Variants in DNMBP observed in about 807,000 individuals in gnomAD.
DNMBP encodes dynamin-binding protein.
A neutral mutation model predicts 150.0 loss-of-function variants in DNMBP; 87 were observed. The observed-to-expected ratio is 0.58, with a 90% CI of 0.49 to 0.69. The LOEUF (loss-of-function observed/expected upper bound fraction) is 0.69. Ranked by LOEUF, DNMBP falls within the 30% of genes least tolerant of loss-of-function variation. DNMBP has a pLI of 0.00. For synonymous variants in DNMBP, 711 were observed against 750.4 expected (o/e 0.95, Z 0.86); for missense variants, 1,774 against 1,949.0 (o/e 0.91, Z 1.69).
At chr10:99,886,753 A>G (rs971963777) in intron 12 of DNMBP, 121 bp from the exon 13 acceptor site, 12 of 819,258 alleles carry the variant, frequency 1.5e-5, no homozygotes, top group African/African-American at 3.4e-5. Context: ...TCTAGTACAC[A>G]AGCTAAACCC....
rs146017696 is a variant in DNMBP, at chr10:99,987,269, G to A, written c.-10-15135C>T. On this transcript the variant is annotated intron_variant, in intron 1 of 16. Coordinates refer to ENST00000324109, the MANE Select transcript of DNMBP (RefSeq NM_015221.4). ...TGTAATCCGAGCATTCTGGGAGGCC[G>A]AGGCTAGGATCACTTGAGGCTAGGA... is the stretch of plus-strand genomic sequence containing the variant. 5.2e-3 allele frequency among the ~76,000 whole-genome samples: 796 copies of A among 152,188 alleles called. 4 individuals are homozygous for A. The highest frequency in any genetic ancestry group is 8.7e-3 in the Non-Finnish European group (590 of 67,996).
At chr10:99,916,224 A>G (rs1364470885) in intron 4 of DNMBP, among the ~76,000 whole-genome samples, 1 of 152,250 alleles carries the variant, frequency 6.6e-6, no homozygotes, top group Non-Finnish European at 1.5e-5. Flanking sequence ...GCACTTTTGG[A>G]AGCCAAGGCA....
At chr10:100,002,384 A>G (rs1217895447) in intron 1 of DNMBP, among the ~76,000 whole-genome samples, 1 of 152,238 alleles carries the variant, frequency 6.6e-6, no homozygotes, top group Non-Finnish European at 1.5e-5. Flanking sequence ...ACACCCTAGC[A>G]GTTAGTGCTG....
At chr10:99,953,555 C>G (rs765689873) in intron 4 of DNMBP, among the ~76,000 whole-genome samples, 1 of 152,010 alleles carries the variant, frequency 6.6e-6, no homozygotes, top group African/African-American at 2.4e-5. Context: ...CTCCCTTGGC[C>G]AGGCATGGTA....
chr10:100,007,732 A>G (rs1040845456), intron 1 of DNMBP, among the ~76,000 whole-genome samples: 3 of 152,264 alleles, frequency 2.0e-5, no homozygotes, highest in Admixed American at 2.0e-4. Context: ...TCTTGGTTTA[A>G]CGGCTCTTTC....
At chr10:99,898,451 AC>A in intron 8 of DNMBP, 166 bp from the exon 9 acceptor site, 1 of 707,734 alleles carries the variant, frequency 1.4e-6, no homozygotes, top group Non-Finnish European at 2.5e-6. Context: ...CTTTTACCCT[AC>A]TTTCCAATTT....
chr10:99,935,197 G>A (rs566886913), intron 4 of DNMBP, among the ~76,000 whole-genome samples: 2 of 151,496 alleles, frequency 1.3e-5, no homozygotes, highest in Non-Finnish European at 2.9e-5. Flanking sequence ...TTGGAAAGCA[G>A]AATGTAATGA....
rs1460614852 is a variant in DNMBP at position 99,891,171 on chromosome 10, TCCCTCC to T, written c.3157-2224_3157-2219del. Among the ~76,000 whole-genome samples, 3 of 138,548 alleles carry T rather than the reference TCCCTCC, an allele frequency of 2.2e-5. 1 individual carries two copies. The South Asian group carries it at 7.7e-4, about 36-fold the overall frequency. The allele number at this position is 138,548 out of a possible 152,430, so 90.9% of individuals were successfully genotyped here. A position where few individuals can be genotyped will look rare whatever the true frequency, so the allele number is the denominator to read the frequency against. ...AGAACTCCCTCTCCCTCTCCCCCTC[TCCCTCC>T]CCCTCTCCCTCTCCCCACCGTCTCC... is the stretch of plus-strand genomic sequence containing the variant. On this transcript the variant is annotated intron_variant, in intron 11 of 16. Transcript: ENST00000324109.
intron 4 of DNMBP, among the ~76,000 whole-genome samples, chr10:99,924,234 G>A (rs1258036740): frequency 4.9e-5 from 7 of 142,122 alleles, no homozygotes; most frequent in East Asian, 4.0e-4. Context: ...TCAGGAGATC[G>A]AGACCATCCT....
intron 10 of DNMBP, 37 bp from the exon 11 acceptor site, chr10:99,895,087 G>C (rs2252699): frequency 2.4e-6 from 3 of 1,266,512 alleles, no homozygotes; most frequent in South Asian, 1.2e-5. Flanking sequence ...AGCAAATCTG[G>C]ACACTCCTTT....
intron 15 of DNMBP, among the ~76,000 whole-genome samples, chr10:99,881,944 T>A (rs1298629259): frequency 6.6e-6 from 1 of 152,226 alleles, no homozygotes; most frequent in African/African-American, 2.4e-5. Context: ...GGAATTCAGA[T>A]TCTTTTTAAT....
intron 4 of DNMBP, among the ~76,000 whole-genome samples, chr10:99,918,574 C>CTTTTTTTT (rs71009786): frequency 0.35 from 47,222 of 136,840 alleles, 8,871 homozygotes; most frequent in Non-Finnish European, 0.41. Context: ...TCTGCAACTT[C>CTTTTTTTT]TTTTTTTTTT....
At chr10:99,934,047 T>C (rs2040195441) in intron 4 of DNMBP, among the ~76,000 whole-genome samples, 2 of 152,122 alleles carry the variant, frequency 1.3e-5, no homozygotes, top group South Asian at 2.1e-4. Flanking sequence ...TGTGATTTTT[T>C]AGGACCCCAA....
chr10:99,940,396 C>T (rs2040281584), intron 4 of DNMBP, among the ~76,000 whole-genome samples: 1 of 152,056 alleles, frequency 6.6e-6, no homozygotes, highest in Non-Finnish European at 1.5e-5. Flanking sequence ...GCCTGTGAAC[C>T]CAAACACTCT....
rs111376341 is a variant in DNMBP at position 99,895,062 on chromosome 10, TAAAC to T, written c.3052-16_3052-13del. On this transcript the variant is annotated splice_polypyrimidine_tract_variant and intron_variant, in intron 10 of 16. Coordinates refer to ENST00000324109, the MANE Select transcript of DNMBP (RefSeq NM_015221.4). ...ACTTCATCTTTTATCTGTTCAAAAA[TAAAC>T]AAGTGCTGTTAGCAAATCTGGACAC... 1.2e-5 allele frequency: 18 copies of T among 1,535,328 alleles called. No homozygotes were observed. The African/African-American group carries it at 1.5e-4, about 13-fold the overall frequency.
Position 99,956,645 on chromosome 10 carries a change from C to A in DNMBP, c.829G>T (p.Glu277Ter). The A allele has an allele frequency of 1.2e-6, 2 of 1,613,958 alleles. No homozygotes were observed. Among genetic ancestry groups the A allele is most frequent in the Non-Finnish European group, 1.7e-6 (2 of 1,179,876 alleles). The change falls in exon 4 of 17, where the codon GAA becomes TAA. Residue 277 changes from glutamate to a stop codon, truncating the protein, a stop_gained. Transcript: ENST00000324109. LOFTEE classifies it high-confidence loss of function. ...AGGGATCCTTCCAGCCAGCCATCTT[C>A]CAAGGTCGCCAGAATTCGGATTTTA... ...GDKIRILATL[E>*]DGWLEGSLKG...
intron 1 of DNMBP, among the ~76,000 whole-genome samples, chr10:99,985,631 T>TA (rs943651584): frequency 8.5e-5 from 13 of 152,186 alleles, no homozygotes; most frequent in African/African-American, 2.9e-4. Context: ...AGAATCCATT[T>TA]AAAAAATCTC....
chr10:99,956,478 T>C lies in DNMBP; in HGVS notation c.996A>G (p.Leu332=), dbSNP rs2040497677. 6.2e-7 allele frequency: 1 copy of C among 1,613,992 alleles called. No individual in the cohort carries two copies. Among genetic ancestry groups the C allele is most frequent in the Admixed American group, 1.7e-5 (1 of 59,996 alleles). Residue 332 remains leucine (L), a synonymous_variant, in exon 4 of 17, where the codon TTA becomes TTG. Coordinates refer to ENST00000324109, the MANE Select transcript of DNMBP (RefSeq NM_015221.4). ...ETSLDCLENT[L]GVEEQRHETS... is the part of the protein sequence containing the mutation. ...TTTCATGTCTTTGTTCCTCTACTCC[T>C]AAGGTGTTCTCCAAACAATCCAAAG...
intron 1 of DNMBP, among the ~76,000 whole-genome samples, chr10:99,979,171 A>C (rs2040759317): frequency 1.3e-5 from 2 of 152,208 alleles, no homozygotes; most frequent in African/African-American, 4.8e-5. Context: ...TAAGCTAATC[A>C]TTTGATGACC....
Sources: gnomAD v4.1 joint callset for allele counts (sites outside exome capture counted in the v4.1 genomes callset) on GRCh38, gnomAD v4.1.1 for gene constraint, MANE v1.5 for transcripts, NCBI Gene and HGNC (gene_info 2026-07-23, HGNC 2026-07-21) for gene names.